The following SLC39A11 variants were observed in gnomAD, a reference collection of about 807,000 sequenced individuals.
SLC39A11 encodes zinc transporter ZIP11.
In SLC39A11, 33 loss-of-function variants were observed where a neutral mutation model predicts 36.1. That is an observed-to-expected ratio of 0.91 (90% CI 0.69 to 1.22). The LOEUF is 1.22. SLC39A11 is among the 50% of genes most tolerant of loss of function. The probability of loss-of-function intolerance (pLI) is 0.00; values close to 1 mark genes in which losing one functional copy is unlikely to be tolerated. For missense variants in SLC39A11, 432 were observed against 430.3 expected, an observed-to-expected ratio of 1.00 and a Z score of -0.03; for synonymous variants, 166 against 170.3, an observed-to-expected ratio of 0.97 and a Z score of 0.20.
At chr17:72,787,098 G>T (rs1271483119) in intron 6 of SLC39A11, among the ~76,000 whole-genome samples, 1 of 152,062 alleles carries the variant, frequency 6.6e-6, no homozygotes, top group Non-Finnish European at 1.5e-5. Context: ...GGCATTACAG[G>T]TGTGAGCCAC....
chr17:72,647,648 A>T lies in SLC39A11; in HGVS notation c.944T>A (p.Leu315Gln). Residue 315 changes from leucine to glutamine, a missense_variant, in exon 10 of 10, where the codon CTG becomes CAG. Leu to Gln is a moderately radical substitution (Grantham distance 113). Transcript: ENST00000255559. Reference protein sequence around the residue: ...PEAQISGNGKLASWASILGFV... With the variant: ...PEAQISGNGKQASWASILGFV... Reference sequence around the variant, plus strand: ...TCCCAGGATGGAGGCCCAGGATGCCAGTTTCCCATTACCACTGGAAGAGAA... The same window carrying T: ...TCCCAGGATGGAGGCCCAGGATGCCTGTTTCCCATTACCACTGGAAGAGAA... The T allele has an allele frequency of 6.2e-7, 1 of 1,613,990 alleles. No individual in the cohort carries two copies. The highest frequency in any genetic ancestry group is 8.5e-7 in the Non-Finnish European group (1 of 1,179,908).
chr17:73,021,151 C>T (rs12450535), intron 4 of SLC39A11, among the ~76,000 whole-genome samples: 5,956 of 152,220 alleles, frequency 0.039, 184 homozygotes, highest in Middle Eastern at 0.078. Flanking sequence ...TGGGGACCTG[C>T]ATCAACACTA....
At chr17:72,723,353 T>TGTGTGTGTGTGTGTGTGTGTGTG (rs1567987031) in intron 7 of SLC39A11, among the ~76,000 whole-genome samples, 2 of 148,904 alleles carry the variant, frequency 1.3e-5, no homozygotes, top group African/African-American at 4.9e-5. Flanking sequence ...TGTGTGTGTG[T>TGTGTGTGTGTGTGTGTGTGTGTG]TTGCAGCCTA....
intron 5 of SLC39A11, among the ~76,000 whole-genome samples, chr17:72,899,689 C>T (rs2082218331): frequency 6.6e-6 from 1 of 152,174 alleles, no homozygotes; most frequent in Admixed American, 6.5e-5. Context: ...GGGCCGGGCA[C>T]GGTGGCTCAT....
At chr17:72,761,324 A>G (rs1024410778) in intron 6 of SLC39A11, among the ~76,000 whole-genome samples, 6 of 152,092 alleles carry the variant, frequency 3.9e-5, no homozygotes, top group Non-Finnish European at 8.8e-5. Context: ...CATGTTGGCA[A>G]AGCTGGTCTC....
At chr17:72,720,954 C>T (rs1377626757) in intron 7 of SLC39A11, among the ~76,000 whole-genome samples, 9 of 152,062 alleles carry the variant, frequency 5.9e-5, no homozygotes, top group Non-Finnish European at 1.3e-4. Context: ...AAGACCCACC[C>T]ACTCCCCCAG....
intron 7 of SLC39A11, among the ~76,000 whole-genome samples, chr17:72,724,523 C>T (rs1354198703): frequency 6.6e-6 from 1 of 152,038 alleles, no homozygotes; most frequent in Non-Finnish European, 1.5e-5. Flanking sequence ...CTGGATGTTC[C>T]CTCCACCCTC....
intron 6 of SLC39A11, among the ~76,000 whole-genome samples, chr17:72,828,161 C>A (rs1466765915): frequency 6.6e-6 from 1 of 152,212 alleles, no homozygotes; most frequent in South Asian, 2.1e-4. Flanking sequence ...TCTCGAGAAT[C>A]TGAATATGCC....
At chr17:72,926,825 A>AGTG in intron 5 of SLC39A11, among the ~76,000 whole-genome samples, 1 of 152,268 alleles carries the variant, frequency 6.6e-6, no homozygotes, top group East Asian at 1.9e-4. Context: ...GGTAGGCCTT[A>AGTG]GTGGCCCTTT....
intron 6 of SLC39A11, among the ~76,000 whole-genome samples, chr17:72,846,819 A>G (rs1482724654): frequency 2.0e-5 from 3 of 152,232 alleles, no homozygotes; most frequent in Admixed American, 1.3e-4. Flanking sequence ...CTCTTCCTCA[A>G]TTGGCTAAAG....
intron 5 of SLC39A11, among the ~76,000 whole-genome samples, chr17:72,895,246 G>A (rs1039803546): frequency 8.5e-5 from 13 of 152,100 alleles, no homozygotes; most frequent in Non-Finnish European, 1.8e-4. Flanking sequence ...TGAGATGTTA[G>A]TGCACAGGAA....
chr17:72,789,095 C>T (rs535372011), intron 6 of SLC39A11, among the ~76,000 whole-genome samples: 23 of 150,908 alleles, frequency 1.5e-4, no homozygotes, highest in Admixed American at 1.3e-4. Flanking sequence ...AATGCAGTGG[C>T]GCAATCTCAG....
intron 7 of SLC39A11, among the ~76,000 whole-genome samples, chr17:72,681,035 CG>C (rs1301468395): frequency 4.6e-5 from 7 of 152,206 alleles, no homozygotes; most frequent in African/African-American, 1.7e-4. Flanking sequence ...CTTCATCTCC[CG>C]GGTTCAAGTG....
intron 5 of SLC39A11, among the ~76,000 whole-genome samples, chr17:72,850,206 C>T (rs959631088): frequency 2.6e-5 from 4 of 152,220 alleles, no homozygotes; most frequent in African/African-American, 7.2e-5. Context: ...CCCAACACTT[C>T]GGGAGGCTGA....
chr17:72,824,226 T>C (rs1187554492), intron 6 of SLC39A11, among the ~76,000 whole-genome samples: 1 of 150,882 alleles, frequency 6.6e-6, no homozygotes, highest in African/African-American at 2.4e-5. Flanking sequence ...TGAAATCTCA[T>C]TGTTTAAAAG....
intron 7 of SLC39A11, among the ~76,000 whole-genome samples, chr17:72,681,118 G>C (rs1483909476): frequency 2.0e-5 from 3 of 151,844 alleles, no homozygotes; most frequent in Non-Finnish European, 4.4e-5. Context: ...AATTTTTTTG[G>C]GTTTCACCAT....
At position 73,003,933 on chromosome 17, in the gene SLC39A11, G is replaced by A. The variant is rs929088597; in HGVS notation, c.306+27623C>T. Among the ~76,000 whole-genome samples the A allele has an allele frequency of 2.0e-5, 3 of 151,732 alleles. No individual in the cohort carries two copies. The East Asian group carries it at 5.8e-4, about 29-fold the overall frequency. On this transcript the variant is annotated intron_variant, in intron 4 of 9. Transcript: ENST00000255559. ...AAACCCCGTCTCTACTAAAAATACAGAAATTAGCTGGGCATGGTGGTGCAT... is the reference window on the plus strand; with the variant it reads ...AAACCCCGTCTCTACTAAAAATACAAAAATTAGCTGGGCATGGTGGTGCAT...
chr17:72,959,591 G>A (rs1261483225), intron 4 of SLC39A11, among the ~76,000 whole-genome samples: 1 of 151,670 alleles, frequency 6.6e-6, no homozygotes, highest in Non-Finnish European at 1.5e-5. Flanking sequence ...AGGGAGGAGG[G>A]ATAAAAGACT....
intron 4 of SLC39A11, among the ~76,000 whole-genome samples, chr17:72,955,965 G>T (rs761092381): frequency 2.0e-5 from 3 of 152,046 alleles, no homozygotes; most frequent in Non-Finnish European, 4.4e-5. Flanking sequence ...TATCAGCCCT[G>T]CGACCACATG....
Sources: allele counts gnomAD v4.1 joint callset (sites outside exome capture counted in the v4.1 genomes callset), GRCh38; gene constraint gnomAD v4.1.1; transcripts MANE v1.5; gene names NCBI Gene and HGNC (gene_info 2026-07-23, HGNC 2026-07-21).